The following CDKAL1 variants were observed in gnomAD, a reference collection of about 807,000 sequenced individuals.
CDKAL1 encodes CDKAL1 threonylcarbamoyladenosine tRNA methylthiotransferase.
Under a neutral mutation model 68.2 loss-of-function variants are expected in CDKAL1, and 32 were observed. The ratio of observed to expected loss-of-function variants is 0.47; its 90% CI spans 0.35 to 0.63. The LOEUF is 0.63. Among genes scored for constraint, CDKAL1 ranks in the 30% least tolerant of loss-of-function variants. The pLI is 0.00. For synonymous variants in CDKAL1, 234 were observed against 244.3 expected, an observed-to-expected ratio of 0.96 and a Z score of 0.39; for missense variants, 606 against 696.7, an observed-to-expected ratio of 0.87 and a Z score of 1.47.
intron 5 of CDKAL1, among the ~76,000 whole-genome samples, chr6:20,654,779 T>C (rs1046592869): frequency 3.3e-5 from 5 of 152,212 alleles, no homozygotes; most frequent in African/African-American, 1.2e-4. Flanking sequence ...GATGTTTGAA[T>C]CTGTTCTGGG....
rs578105541 is a variant in CDKAL1, at chr6:20,788,603, G to C, written c.638+7338G>C. Among the ~76,000 whole-genome samples the C allele has an allele frequency of 6.6e-5, 10 of 152,312 alleles. No individual in the cohort carries two copies. In the South Asian group the frequency reaches 1.7e-3, roughly 25 times the overall value. On this transcript the variant is annotated intron_variant, in intron 8 of 15. Transcript: ENST00000274695. ...CTTGAGTAAATTAGGTGAGATCTTA[G>C]AGATGATGTCTTTTCTGGCATGGGT...
At chr6:20,922,354 C>A (rs1003190642) in intron 9 of CDKAL1, among the ~76,000 whole-genome samples, 3 of 152,118 alleles carry the variant, frequency 2.0e-5, no homozygotes, top group Non-Finnish European at 4.4e-5. Flanking sequence ...CACCCTCTTA[C>A]AGTATTCCTG....
intron 7 of CDKAL1, among the ~76,000 whole-genome samples, chr6:20,768,834 G>A (rs72832331): frequency 0.028 from 4,268 of 152,254 alleles, 86 homozygotes; most frequent in Non-Finnish European, 0.04. Flanking sequence ...ATTACCTAGA[G>A]CAGTGATTCT....
chr6:21,141,064 A>G (rs1475793791), intron 13 of CDKAL1, among the ~76,000 whole-genome samples: 3 of 152,106 alleles, frequency 2.0e-5, no homozygotes, highest in Non-Finnish European at 4.4e-5. Context: ...CCCACAACAC[A>G]TGGGAATTCT....
chr6:20,848,850 T>C (rs1254713975), intron 9 of CDKAL1, among the ~76,000 whole-genome samples: 1 of 151,644 alleles, frequency 6.6e-6, no homozygotes, highest in African/African-American at 2.4e-5. Flanking sequence ...TGCAGTGTCA[T>C]GGTACAGTCA....
chr6:20,976,936 A>G (rs771570324), intron 10 of CDKAL1, among the ~76,000 whole-genome samples: 1 of 152,214 alleles, frequency 6.6e-6, no homozygotes, highest in Non-Finnish European at 1.5e-5. Flanking sequence ...GATTTCAACT[A>G]TTGTGAGTAA....
intron 5 of CDKAL1, among the ~76,000 whole-genome samples, chr6:20,734,112 G>A (rs188341238): frequency 3.7e-4 from 52 of 138,914 alleles, no homozygotes; most frequent in African/African-American, 1.3e-3. Context: ...TTATGCCACT[G>A]CACTCCAACC....
At chr6:20,827,571 A>G (rs1777549230) in intron 8 of CDKAL1, among the ~76,000 whole-genome samples, 1 of 152,136 alleles carries the variant, frequency 6.6e-6, no homozygotes, top group Admixed American at 6.6e-5. Context: ...AACACTTTTC[A>G]TTATCAAGGG....
chr6:21,135,624 T>C (rs1347706332), intron 13 of CDKAL1: 1 of 887,624 alleles, frequency 1.1e-6, no homozygotes, highest in Non-Finnish European at 1.3e-6. Context: ...TACAACATAA[T>C]TTAATTTTCT....
At chr6:21,137,514 T>C (rs1434018463) in intron 13 of CDKAL1, among the ~76,000 whole-genome samples, 1 of 152,248 alleles carries the variant, frequency 6.6e-6, no homozygotes, top group Non-Finnish European at 1.5e-5. Context: ...AAAGTCATCC[T>C]CTGAATATGT....
chr6:21,110,464 G>T (rs2150994408), intron 13 of CDKAL1, among the ~76,000 whole-genome samples: 1 of 152,224 alleles, frequency 6.6e-6, no homozygotes, highest in Non-Finnish European at 1.5e-5. Flanking sequence ...AAGTTATTTT[G>T]TCATTTGAAT....
intron 9 of CDKAL1, among the ~76,000 whole-genome samples, chr6:20,946,820 C>G (rs372971717): frequency 1.9e-3 from 288 of 152,242 alleles, no homozygotes; most frequent in African/African-American, 6.6e-3. Flanking sequence ...TGGTCTCCAA[C>G]TCCTGACCTC....
intron 9 of CDKAL1, among the ~76,000 whole-genome samples, chr6:20,931,577 T>C (rs1054775854): frequency 2.6e-5 from 4 of 152,198 alleles, no homozygotes; most frequent in Non-Finnish European, 4.4e-5. Context: ...CTCCGTGGCA[T>C]GTGATTATCT....
intron 5 of CDKAL1, among the ~76,000 whole-genome samples, chr6:20,670,605 T>G (rs1011401728): frequency 2.6e-5 from 4 of 152,200 alleles, no homozygotes; most frequent in Admixed American, 6.5e-5. Context: ...CTACATTTGT[T>G]AATTGGAATT....
intron 12 of CDKAL1, among the ~76,000 whole-genome samples, chr6:21,107,038 C>T (rs1430619529): frequency 1.3e-5 from 2 of 151,042 alleles, no homozygotes; most frequent in East Asian, 2.0e-4. Flanking sequence ...AGCTCCGCCT[C>T]CCGGGTTCAC....
chr6:20,951,809 C>T (rs564394792), intron 9 of CDKAL1, among the ~76,000 whole-genome samples: 4 of 151,970 alleles, frequency 2.6e-5, no homozygotes, highest in South Asian at 4.1e-4. Flanking sequence ...CCCTTGGATG[C>T]GTGAAAAAAC....
At chr6:21,005,518 A>G (rs1767677909) in intron 11 of CDKAL1, among the ~76,000 whole-genome samples, 1 of 152,216 alleles carries the variant, frequency 6.6e-6, no homozygotes, top group Admixed American at 6.5e-5. Context: ...TATGTTAACT[A>G]GACCTTAAAT....
chr6:21,039,889 T>C (rs575310317), intron 11 of CDKAL1, among the ~76,000 whole-genome samples: 8 of 152,228 alleles, frequency 5.3e-5, no homozygotes, highest in Non-Finnish European at 1.2e-4. Flanking sequence ...AGTTTTAATG[T>C]TGTATGTGGA....
At position 20,539,394 on chromosome 6, in the gene CDKAL1, A is replaced by G. The variant is rs1396236165; in HGVS notation, c.-6+4000A>G. 1.3e-5 allele frequency among the ~76,000 whole-genome samples: 2 copies of G among 152,224 alleles called. No homozygotes were observed. Among genetic ancestry groups the G allele is most frequent in the Non-Finnish European group, 2.9e-5 (2 of 68,044 alleles). ...CCCTCACGAAGTATGTATTCTAGTA[A>G]GATAAACAGTTAAAAAATTATTAAA... On this transcript the variant is annotated intron_variant, in intron 2 of 15. Transcript: ENST00000274695. The surrounding 1 kb of genome is among the most constrained non-coding windows in gnomAD (Gnocchi z 4.3).
Sources: allele counts gnomAD v4.1 joint callset (sites outside exome capture counted in the v4.1 genomes callset), GRCh38; gene constraint gnomAD v4.1.1; non-coding constraint Gnocchi (gnomAD v3.1); transcripts MANE v1.5; gene names NCBI Gene and HGNC (gene_info 2026-07-23, HGNC 2026-07-21).